CADM1: variants seen among roughly 807,000 people sequenced by gnomAD.
CADM1 encodes cell adhesion molecule 1, also known as TSLC-1.
Under a neutral mutation model 53.1 loss-of-function variants are expected in CADM1, and 15 were observed. The ratio of observed to expected loss-of-function variants is 0.28; its 90% confidence interval spans 0.19 to 0.44. CADM1 has a LOEUF of 0.44. Among genes scored for constraint, CADM1 ranks in the 20% least tolerant of loss-of-function variants. The pLI is 1.00. For synonymous variants in CADM1, 281 were observed against 243.0 expected, an observed-to-expected ratio of 1.16 and a Z score of -1.45; for missense variants, 434 against 611.3, an observed-to-expected ratio of 0.71 and a Z score of 3.06.
At chr11:115,422,701 G>A (rs930689537) in intron 1 of CADM1, among the ~76,000 whole-genome samples, 10 of 152,164 alleles carry the variant, frequency 6.6e-5, no homozygotes, top group Non-Finnish European at 1.2e-4. Context: ...ATAGTTCGCT[G>A]TGCCCTTTGA....
At chr11:115,360,781 G>A (rs528325762) in intron 1 of CADM1, among the ~76,000 whole-genome samples, 2 of 152,310 alleles carry the variant, frequency 1.3e-5, no homozygotes, top group South Asian at 4.1e-4. Flanking sequence ...AGTGCCAACT[G>A]TGACCTTGAG....
intron 1 of CADM1, among the ~76,000 whole-genome samples, chr11:115,336,066 C>T (rs962872651): frequency 2.0e-5 from 3 of 152,210 alleles, no homozygotes; most frequent in South Asian, 2.1e-4. Context: ...ATTTGTAATT[C>T]TCCTTCACAC....
chr11:115,282,562 G>T (rs1410974115), intron 1 of CADM1, among the ~76,000 whole-genome samples: 1 of 152,198 alleles, frequency 6.6e-6, no homozygotes, highest in Non-Finnish European at 1.5e-5. Context: ...AATGCCCACA[G>T]CTTTGTTCCC....
intron 1 of CADM1, among the ~76,000 whole-genome samples, chr11:115,389,308 GACAA>G (rs1342925510): frequency 3.3e-5 from 5 of 152,078 alleles, no homozygotes; most frequent in African/African-American, 1.2e-4. Context: ...AACAACAACA[GACAA>G]ACAAAACAAT....
chr11:115,178,990 A>G, intron 10 of CADM1: 1 of 594,444 alleles, frequency 1.7e-6, no homozygotes, highest in Admixed American at 2.4e-5. Context: ...CATGATAAGC[A>G]GCATAGGAGG....
chr11:115,292,360 TATAGTAAGCTCATTA>T (rs1565347453), intron 1 of CADM1, among the ~76,000 whole-genome samples: 1 of 152,214 alleles, frequency 6.6e-6, no homozygotes, highest in Non-Finnish European at 1.5e-5. Context: ...TGATACCAAG[TATAGTAAGCTCATTA>T]ATAGTATGCA....
chr11:115,340,656 A>ATTTTTTTTTTTT (rs1365807207), intron 1 of CADM1, among the ~76,000 whole-genome samples: 4 of 52,348 alleles, frequency 7.6e-5, no homozygotes, highest in African/African-American at 3.8e-4. Flanking sequence ...ATATATATAT[A>ATTTTTTTTTTTT]TATTTTTTTT....
intron 1 of CADM1, among the ~76,000 whole-genome samples, chr11:115,420,307 T>TG (rs1366242492): frequency 6.6e-6 from 1 of 152,222 alleles, no homozygotes; most frequent in East Asian, 1.9e-4. Context: ...GACTTGCTCC[T>TG]GATCATTGTG....
chr11:115,208,689 A>C (rs1940811505), intron 8 of CADM1, among the ~76,000 whole-genome samples: 1 of 152,204 alleles, frequency 6.6e-6, no homozygotes, highest in Non-Finnish European at 1.5e-5. Flanking sequence ...AAGTCCCTGT[A>C]AACACAGGTT....
At chr11:115,244,462 G>A (rs1306064317) in intron 1 of CADM1, among the ~76,000 whole-genome samples, 1 of 152,218 alleles carries the variant, frequency 6.6e-6, no homozygotes, top group Non-Finnish European at 1.5e-5. Flanking sequence ...ATGAGGAAGG[G>A]AACAAATGTT....
intron 1 of CADM1, among the ~76,000 whole-genome samples, chr11:115,416,698 TACACACACACACAC>T (rs34112529): frequency 1.6e-4 from 23 of 141,376 alleles, no homozygotes; most frequent in Admixed American, 5.8e-4. Context: ...AAGGATTAAA[TACACACACACACAC>T]ACACACACAC....
rs1421554932 is a variant in CADM1, at chr11:115,173,954, C to G, written c.*2520G>C. The G allele has an allele frequency of 5.5e-5, 53 of 967,448 alleles. No individual in the cohort carries two copies. The highest frequency in any genetic ancestry group is 6.3e-5 in the Non-Finnish European group (51 of 813,724). 59.9% of individuals were successfully genotyped at this position (967,448 alleles called of 1,614,324 possible). On this transcript the variant is annotated 3_prime_UTR_variant, in exon 12 of 12. Coordinates refer to ENST00000331581, the MANE Select transcript of CADM1 (RefSeq NM_001301043.2). ...CTCTAAAAAAAGTGATCAACCTGTA[C>G]AAAGTAATACTCAACAATACATTTC... is the stretch of plus-strand genomic sequence containing the variant.
intron 1 of CADM1, among the ~76,000 whole-genome samples, chr11:115,469,092 G>C (rs1565442760): frequency 6.6e-6 from 1 of 152,094 alleles, no homozygotes; most frequent in Non-Finnish European, 1.5e-5. Flanking sequence ...TGAGATTTAG[G>C]TGGGGACACA....
chr11:115,293,427 C>T (rs759980812), intron 1 of CADM1, among the ~76,000 whole-genome samples: 16 of 151,842 alleles, frequency 1.1e-4, no homozygotes, highest in Non-Finnish European at 1.9e-4. Context: ...AGCGAGACTC[C>T]GTCTCAAAAA....
intron 1 of CADM1, among the ~76,000 whole-genome samples, chr11:115,274,043 C>A (rs921097032): frequency 6.6e-6 from 1 of 152,220 alleles, no homozygotes; most frequent in Non-Finnish European, 1.5e-5. Context: ...ACACTTCCTA[C>A]CCGATGCTTT....
At chr11:115,341,645 T>G (rs1403394690) in intron 1 of CADM1, among the ~76,000 whole-genome samples, 1 of 152,194 alleles carries the variant, frequency 6.6e-6, no homozygotes, top group Non-Finnish European at 1.5e-5. Context: ...AATTATAAAT[T>G]TGTCACATGA....
At chr11:115,367,767 T>C (rs981137787) in intron 1 of CADM1, among the ~76,000 whole-genome samples, 2 of 151,770 alleles carry the variant, frequency 1.3e-5, no homozygotes, top group African/African-American at 4.8e-5. Context: ...TAGAATTTCT[T>C]AGAAAAAAAA....
chr11:115,248,472 G>A (rs1020102325), intron 1 of CADM1, among the ~76,000 whole-genome samples: 5 of 152,128 alleles, frequency 3.3e-5, no homozygotes, highest in Non-Finnish European at 5.9e-5. Context: ...ATGTTTATGC[G>A]GAGTGACACC....
intron 1 of CADM1, among the ~76,000 whole-genome samples, chr11:115,262,782 C>T (rs991444176): frequency 1.3e-5 from 2 of 151,626 alleles, no homozygotes; most frequent in African/African-American, 4.8e-5. Flanking sequence ...CTTTTCTATG[C>T]CCTTGATGGG....
Sources: gnomAD v4.1 joint callset for allele counts (sites outside exome capture counted in the v4.1 genomes callset) on GRCh38, gnomAD v4.1.1 for gene constraint, MANE v1.5 for transcripts, NCBI Gene and HGNC (gene_info 2026-07-23, HGNC 2026-07-21) for gene names.